RFX3: variants seen among roughly 807,000 people sequenced by gnomAD.
RFX3 encodes regulatory factor X3, also known as transcription factor RFX3.
A neutral mutation model predicts 98.6 loss-of-function variants in RFX3; 14 were observed. That is an observed-to-expected ratio of 0.14 (90% CI 0.09 to 0.22). RFX3 has a LOEUF of 0.22. Among genes scored for constraint, RFX3 ranks in the 10% least tolerant of loss-of-function variants. The pLI is 1.00. For synonymous variants in RFX3, 383 were observed against 328.4 expected, an observed-to-expected ratio of 1.17 and a Z score of -1.80; for missense variants, 639 against 926.9, an observed-to-expected ratio of 0.69 and a Z score of 4.03.
intron 7 of RFX3, among the ~76,000 whole-genome samples, chr9:3,279,296 T>C (rs1027836054): frequency 2.6e-5 from 4 of 151,782 alleles, no homozygotes; most frequent in Non-Finnish European, 5.9e-5. Context: ...GCTATGGAAT[T>C]GTGTCTCATT....
chr9:3,437,452 A>G (rs1003195059), intron 1 of RFX3, among the ~76,000 whole-genome samples: 4 of 152,100 alleles, frequency 2.6e-5, no homozygotes, highest in African/African-American at 4.8e-5. Flanking sequence ...GAACAAGAAT[A>G]CCCTGATTTA....
chr9:3,363,161 T>A (rs1431650897), intron 2 of RFX3, among the ~76,000 whole-genome samples: 2 of 152,196 alleles, frequency 1.3e-5, no homozygotes, highest in African/African-American at 4.8e-5. Context: ...AATACTGTGG[T>A]GACCAGAAAG....
At chr9:3,436,977 C>G (rs1417213635) in intron 1 of RFX3, among the ~76,000 whole-genome samples, 3 of 151,914 alleles carry the variant, frequency 2.0e-5, no homozygotes, top group African/African-American at 7.3e-5. Flanking sequence ...TTGAGTAATC[C>G]ACGTTTTTGT....
intron 2 of RFX3, among the ~76,000 whole-genome samples, chr9:3,348,500 G>A (rs79528062): frequency 0.019 from 2,819 of 151,016 alleles, 43 homozygotes; most frequent in South Asian, 0.064. Flanking sequence ...GTAAACTTGC[G>A]GTAGTCTAAT....
chr9:3,266,127 C>T (rs1563827352), intron 12 of RFX3, 81 bp downstream of exon 12: 3 of 732,386 alleles, frequency 4.1e-6, no homozygotes, highest in Non-Finnish European at 6.7e-6. Context: ...TACATAATAC[C>T]ATTTGATAGG....
intron 4 of RFX3, among the ~76,000 whole-genome samples, chr9:3,310,701 A>T (rs181701080): frequency 5.3e-5 from 8 of 152,302 alleles, no homozygotes; most frequent in Admixed American, 3.9e-4. Context: ...ACTATGTGGG[A>T]TTGATGGATT....
At chr9:3,414,699 AGTATATATGAGTATATAT>A (rs1554700433) in intron 1 of RFX3, among the ~76,000 whole-genome samples, 75 of 70,558 alleles carry the variant, frequency 1.1e-3, no homozygotes, top group South Asian at 3.1e-3. Context: ...TGTATATATG[AGTATATATGAGTATATAT>A]GTATATATGA....
At chr9:3,458,052 G>C (rs1807150324) in intron 1 of RFX3, among the ~76,000 whole-genome samples, 1 of 152,116 alleles carries the variant, frequency 6.6e-6, no homozygotes, top group African/African-American at 2.4e-5. Context: ...TTAGAAGACT[G>C]GAAGTATCCT....
chr9:3,267,298 A>G (rs1823775528), intron 11 of RFX3, among the ~76,000 whole-genome samples: 1 of 151,966 alleles, frequency 6.6e-6, no homozygotes, highest in South Asian at 2.1e-4. Flanking sequence ...ATAATGGGGT[A>G]GGTATCAACA....
intron 1 of RFX3, among the ~76,000 whole-genome samples, chr9:3,403,218 A>G (rs1194283099): frequency 1.3e-5 from 2 of 152,126 alleles, no homozygotes; most frequent in Admixed American, 1.3e-4. Context: ...ACTGTTGTCA[A>G]ACACCAACCT....
At chr9:3,467,742 C>A (rs1455337365) in intron 1 of RFX3, among the ~76,000 whole-genome samples, 2 of 152,150 alleles carry the variant, frequency 1.3e-5, no homozygotes, top group African/African-American at 4.8e-5. Flanking sequence ...ATGGAAAGAA[C>A]AGAGGACAAT....
In RFX3 at chr9:3,278,805, T is replaced by A. The variant is rs1037379292; in HGVS notation, c.852-1344A>T. On this transcript the variant is annotated intron_variant, in intron 7 of 16. Coordinates refer to ENST00000617270, the MANE Select transcript of RFX3 (RefSeq NM_001282116.2). ...TGTGACAGTATCTTACAAACAACTATGAAAAACAAAAAATAAAGTCAGAGG... is the reference window on the plus strand; with the variant it reads ...TGTGACAGTATCTTACAAACAACTAAGAAAAACAAAAAATAAAGTCAGAGG... Among the ~76,000 whole-genome samples the A allele has an allele frequency of 2.0e-5, 3 of 151,890 alleles. No individual in the cohort carries two copies. The South Asian group carries it at 6.2e-4, about 31-fold the overall frequency.
At chr9:3,492,311 C>T (rs747386019) in intron 1 of RFX3, among the ~76,000 whole-genome samples, 3 of 152,216 alleles carry the variant, frequency 2.0e-5, no homozygotes, top group Non-Finnish European at 2.9e-5. Context: ...ATAAGCCCTG[C>T]TCATTTGACA....
chr9:3,292,851 C>T (rs1827563454), intron 6 of RFX3, among the ~76,000 whole-genome samples: 1 of 152,114 alleles, frequency 6.6e-6, no homozygotes, highest in Non-Finnish European at 1.5e-5. Flanking sequence ...ATCAGCTCTT[C>T]TCAAAGCTTT....
intron 1 of RFX3, among the ~76,000 whole-genome samples, chr9:3,451,592 A>T (rs1846643072): frequency 6.6e-6 from 1 of 152,150 alleles, no homozygotes; most frequent in Admixed American, 6.6e-5. Flanking sequence ...AATGACAGAC[A>T]AATTTCTTGT....
chr9:3,378,541 TA>T (rs1229450307), intron 2 of RFX3, among the ~76,000 whole-genome samples: 4 of 150,756 alleles, frequency 2.7e-5, no homozygotes, highest in East Asian at 1.9e-4. Flanking sequence ...TTCTTTCTCA[TA>T]TTTTTTTTCT....
chr9:3,355,964 G>C (rs1166739572), intron 2 of RFX3, among the ~76,000 whole-genome samples: 1 of 151,686 alleles, frequency 6.6e-6, no homozygotes, highest in Non-Finnish European at 1.5e-5. Context: ...GAAATCACAA[G>C]GGAAATTAGA....
At chr9:3,332,861 C>G (rs1002535833) in intron 3 of RFX3, among the ~76,000 whole-genome samples, 1 of 152,122 alleles carries the variant, frequency 6.6e-6, no homozygotes, top group Non-Finnish European at 1.5e-5. Context: ...TCATTTTATT[C>G]CACCTCCCTG....
intron 3 of RFX3, among the ~76,000 whole-genome samples, chr9:3,340,902 G>A (rs9408234): frequency 6.6e-6 from 1 of 152,020 alleles, no homozygotes; most frequent in Non-Finnish European, 1.5e-5. Context: ...TCCCATTACT[G>A]GGTACATACC....
Sources: gnomAD v4.1 joint callset for allele counts (sites outside exome capture counted in the v4.1 genomes callset) on GRCh38, gnomAD v4.1.1 for gene constraint, MANE v1.5 for transcripts, NCBI Gene and HGNC (gene_info 2026-07-23, HGNC 2026-07-21) for gene names.